DNAI3: variants seen among roughly 807,000 people sequenced by gnomAD.
DNAI3 encodes WD repeat domain 63.
In DNAI3, 83 loss-of-function variants were observed where a neutral mutation model predicts 115.5. The ratio of observed to expected loss-of-function variants is 0.72; its 90% CI spans 0.60 to 0.86. The LOEUF (loss-of-function observed/expected upper bound fraction) is 0.86, where lower values mean the gene tolerates loss of function less well. Among genes scored for constraint, DNAI3 ranks in the 40% least tolerant of loss-of-function variants. The pLI is 0.00. For missense variants in DNAI3, 1,004 were observed against 1,075.8 expected, an observed-to-expected ratio of 0.93 and a Z score of 0.93; for synonymous variants, 320 against 347.0, an observed-to-expected ratio of 0.92 and a Z score of 0.86.
intron 13 of DNAI3, among the ~76,000 whole-genome samples, chr1:85,101,727 CAAAAAAAA>C (rs72166976): frequency 6.9e-5 from 1 of 14,440 alleles, no homozygotes; most frequent in Non-Finnish European, 1.1e-4. Context: ...GACTCCATCT[CAAAAAAAA>C]AAAAAAAAAA....
At chr1:85,122,421 C>A (rs1413403887) in intron 18 of DNAI3, among the ~76,000 whole-genome samples, 1 of 152,216 alleles carries the variant, frequency 6.6e-6, no homozygotes, top group Non-Finnish European at 1.5e-5. Context: ...GGAATACAGG[C>A]ACCCCAATAA....
At chr1:85,063,679 G>A (rs1260424175) in intron 1 of DNAI3, among the ~76,000 whole-genome samples, 2 of 152,116 alleles carry the variant, frequency 1.3e-5, no homozygotes, top group Non-Finnish European at 2.9e-5. Context: ...GTGAATGATA[G>A]GGACCCATAA....
chr1:85,124,570 G>A (rs907494173), intron 19 of DNAI3, among the ~76,000 whole-genome samples: 1 of 152,096 alleles, frequency 6.6e-6, no homozygotes, highest in African/African-American at 2.4e-5. Flanking sequence ...TCACTGTGTG[G>A]TCCAGGCTGG....
intron 7 of DNAI3, among the ~76,000 whole-genome samples, chr1:85,087,085 A>G (rs1326088924): frequency 6.6e-6 from 1 of 152,044 alleles, no homozygotes; most frequent in East Asian, 1.9e-4. Context: ...CCTTGTGCTT[A>G]TCCCCTCCTT....
At chr1:85,116,903 C>G (rs1339752424) in intron 16 of DNAI3, among the ~76,000 whole-genome samples, 1 of 152,162 alleles carries the variant, frequency 6.6e-6, no homozygotes, top group Non-Finnish European at 1.5e-5. Context: ...TCATGATAAT[C>G]ATTTTTAAGT....
At position 85,132,927 on chromosome 1, in the gene DNAI3, G is replaced by A; in HGVS notation, c.2605G>A (p.Glu869Lys). The change falls in exon 23 of 23, where the codon GAA becomes AAA. Residue 869 changes from glutamate to lysine, a missense_variant. Physicochemically the swap from Glu to Lys is moderately conservative, Grantham distance 56. Around this residue, in one of 3 missense-constraint regions of DNAI3, gnomAD observed 429 missense variants for 454.3 expected, o/e 0.94. Coordinates refer to ENST00000294664, the MANE Select transcript of DNAI3 (RefSeq NM_145172.5). Reference sequence around the variant, plus strand: ...GGACTATGAGAGTTATCTGGAACTGGAAAAGACTGTTCTTATCAACCTTGG... The same window carrying A: ...GGACTATGAGAGTTATCTGGAACTGAAAAAGACTGTTCTTATCAACCTTGG... ...KMDYESYLELEKTVLINLGLI... is the reference protein window; with the variant it reads ...KMDYESYLELKKTVLINLGLI... 1 of 1,613,964 alleles carries A rather than the reference G, an allele frequency of 6.2e-7. No individual in the cohort carries two copies. The highest frequency in any genetic ancestry group is 2.2e-5 in the East Asian group (1 of 44,860).
chr1:85,130,166 T>C, intron 22 of DNAI3, 54 bp downstream of exon 22: 2 of 1,606,810 alleles, frequency 1.2e-6, no homozygotes, highest in African/African-American at 2.7e-5. Context: ...AGTGGAAATA[T>C]ATTTGTTTGG....
intron 1 of DNAI3, among the ~76,000 whole-genome samples, chr1:85,064,585 T>G (rs925824791): frequency 6.6e-6 from 1 of 151,828 alleles, no homozygotes; most frequent in African/African-American, 2.4e-5. Flanking sequence ...AATCAATGTT[T>G]GTTTGTTTGT....
intron 19 of DNAI3, among the ~76,000 whole-genome samples, chr1:85,124,707 G>GT (rs1216753347): frequency 1.3e-5 from 2 of 152,072 alleles, no homozygotes; most frequent in Admixed American, 6.5e-5. Flanking sequence ...TTTTGTGTGT[G>GT]TTTTTTGTAG....
chr1:85,114,015 CTTT>C (rs58178754), intron 16 of DNAI3, among the ~76,000 whole-genome samples: 11 of 117,646 alleles, frequency 9.4e-5, no homozygotes, highest in African/African-American at 9.6e-5. Context: ...CAATTTGTAT[CTTT>C]TTTTTTTTTT....
chr1:85,111,690 G>A (rs1021777789), intron 16 of DNAI3, among the ~76,000 whole-genome samples: 1 of 152,116 alleles, frequency 6.6e-6, no homozygotes, highest in African/African-American at 2.4e-5. Flanking sequence ...GAAAACAGGT[G>A]GCCAGGAGGA....
chr1:85,078,887 C>A (rs1159851996), intron 3 of DNAI3, among the ~76,000 whole-genome samples: 1 of 152,134 alleles, frequency 6.6e-6, no homozygotes, highest in Non-Finnish European at 1.5e-5. Context: ...TGAAAAAGTC[C>A]AATTAGTGTG....
intron 8 of DNAI3, among the ~76,000 whole-genome samples, chr1:85,090,958 T>A (rs905133307): frequency 2.0e-4 from 31 of 152,204 alleles, no homozygotes; most frequent in Non-Finnish European, 3.7e-4. Context: ...CAAGTTAAAC[T>A]TTTTTATTTT....
At position 85,077,401 on chromosome 1, in the gene DNAI3, G is replaced by T. The variant is rs531460343; in HGVS notation, c.104-3833G>T. Among the ~76,000 whole-genome samples the T allele has an allele frequency of 4.6e-5, 7 of 152,246 alleles. No homozygotes were observed. In the South Asian group the frequency reaches 1.5e-3, roughly 32 times the overall value. ...TCTTTGTGACCTTGGAGTTGGCAAAGATTTCCCAGATATGACACCCACAGC... is the reference window on the plus strand; with the variant it reads ...TCTTTGTGACCTTGGAGTTGGCAAATATTTCCCAGATATGACACCCACAGC... On this transcript the variant is annotated intron_variant, in intron 3 of 22. Transcript: ENST00000294664.
chr1:85,126,535 T>G lies in DNAI3; in HGVS notation c.2137T>G (p.Cys713Gly). 1 of 1,614,138 alleles carries G rather than the reference T, an allele frequency of 6.2e-7. No homozygotes were observed. The highest frequency in any genetic ancestry group is 8.5e-7 in the Non-Finnish European group (1 of 1,179,980). ...GACTGGACCGCTCCTTCAGTCATGCTGTGCACCAAAAAGGTACACCTCAGG... is the reference window on the plus strand; with the variant it reads ...GACTGGACCGCTCCTTCAGTCATGCGGTGCACCAAAAAGGTACACCTCAGG... ...VMTGPLLQSCCAPKRYTSGHW... is the reference protein window; with the variant it reads ...VMTGPLLQSCGAPKRYTSGHW... The change falls in exon 20 of 23, where the codon TGT becomes GGT. Residue 713 changes from cysteine (C) to glycine (G), a missense_variant. By Grantham distance (159) the Cys-to-Gly change is radical. Around this residue, in one of 3 missense-constraint regions of DNAI3, gnomAD observed 429 missense variants for 454.3 expected, o/e 0.94. Coordinates refer to ENST00000294664, the MANE Select transcript of DNAI3 (RefSeq NM_145172.5).
chr1:85,081,645 T>TTTTTGTTTTGTTTTGTTTTGTTTTG (rs538598585), intron 4 of DNAI3, among the ~76,000 whole-genome samples: 1 of 151,994 alleles, frequency 6.6e-6, no homozygotes, highest in African/African-American at 2.4e-5. Context: ...CCTTGCCCAG[T>TTTTTGTTTTGTTTTGTTTTGTTTTG]TTTTGTTTTG....
intron 19 of DNAI3, among the ~76,000 whole-genome samples, chr1:85,124,958 G>A (rs534402431): frequency 1.6e-3 from 239 of 152,304 alleles, no homozygotes; most frequent in Non-Finnish European, 2.8e-3. Context: ...GGTGCAGAAA[G>A]TGGGAGTGAA....
chr1:85,117,134 GA>G (rs1374357131), intron 16 of DNAI3, among the ~76,000 whole-genome samples: 2 of 151,924 alleles, frequency 1.3e-5, no homozygotes, highest in Non-Finnish European at 2.9e-5. Context: ...CCCAGGAATT[GA>G]ATATCATATT....
intron 9 of DNAI3, 57 bp from the exon 10 acceptor site, chr1:85,094,373 AG>A (rs2100581874): frequency 3.1e-6 from 5 of 1,602,546 alleles, no homozygotes; most frequent in Admixed American, 1.7e-5. Flanking sequence ...CAAAAGCTAG[AG>A]ACATCTCTCC....
Sources: gnomAD v4.1 joint callset for allele counts (sites outside exome capture counted in the v4.1 genomes callset) on GRCh38, gnomAD v4.1.1 for gene constraint, gnomAD v4.1.1 regional missense constraint, MANE v1.5 for transcripts, NCBI Gene and HGNC (gene_info 2026-07-23, HGNC 2026-07-21) for gene names.